PAG1: variants seen among roughly 807,000 people sequenced by gnomAD.
PAG1 encodes phosphoprotein associated with glycosphingolipid-enriched microdomains 1.
Under a neutral mutation model 31.7 loss-of-function variants are expected in PAG1, and 23 were observed. The observed-to-expected ratio is 0.73, with a 90% CI of 0.52 to 1.03. PAG1 has a LOEUF of 1.03. Ranked by LOEUF, PAG1 falls within the 50% of genes least tolerant of loss-of-function variation. The pLI is 0.00. For synonymous variants in PAG1, 214 were observed against 210.3 expected (o/e 1.02, Z -0.15); for missense variants, 473 against 540.7 (o/e 0.87, Z 1.24).
intron 2 of PAG1, among the ~76,000 whole-genome samples, chr8:81,041,976 G>A (rs1260013081): frequency 6.6e-6 from 1 of 152,174 alleles, no homozygotes; most frequent in Non-Finnish European, 1.5e-5. Context: ...CCCAAAGGGT[G>A]CAATCTTATC....
chr8:80,993,757 C>T (rs1429648779), intron 3 of PAG1, among the ~76,000 whole-genome samples: 4 of 151,920 alleles, frequency 2.6e-5, no homozygotes, highest in Non-Finnish European at 5.9e-5. Context: ...AGGCATGCGC[C>T]ACCATTCCTG....
chr8:81,075,171 C>T (rs1410334302), intron 1 of PAG1, among the ~76,000 whole-genome samples: 2 of 152,308 alleles, frequency 1.3e-5, no homozygotes, highest in Non-Finnish European at 1.5e-5. Flanking sequence ...AGATCTATTC[C>T]AAGACCCTAA....
intron 8 of PAG1, 146 bp from the exon 9 acceptor site, chr8:80,977,052 G>A (rs746351839): frequency 4.4e-6 from 3 of 683,190 alleles, no homozygotes; most frequent in Non-Finnish European, 7.5e-6. Flanking sequence ...ACTAATTATG[G>A]AGCACATTAC....
In PAG1 at chr8:81,012,966, C is replaced by T. The variant is rs540338762; in HGVS notation, c.-81+17030G>A. On this transcript the variant is annotated intron_variant, in intron 3 of 8. Coordinates refer to ENST00000220597, the MANE Select transcript of PAG1 (RefSeq NM_018440.4). ...ATCAAATAGCAAGCAAGAATTTTGC[C>T]TACCCATGTCCGTCAACTCACATCC... Among the ~76,000 whole-genome samples the T allele has an allele frequency of 1.4e-4, 22 of 152,296 alleles. No homozygotes were observed. In the East Asian group the frequency reaches 2.1e-3, roughly 15 times the overall value.
chr8:80,975,011 A>G lies in PAG1; in HGVS notation c.*1533T>C, dbSNP rs544529353. 1 of 152,384 alleles carries G rather than the reference A, an allele frequency of 6.6e-6. No individual in the cohort carries two copies. Among genetic ancestry groups the G allele is most frequent in the Admixed American group, 6.5e-5 (1 of 15,310 alleles). The allele number at this position is 152,384 out of a possible 1,614,324, so 9.4% of individuals were successfully genotyped here. On this transcript the variant is annotated 3_prime_UTR_variant, in exon 9 of 9. Coordinates refer to ENST00000220597, the MANE Select transcript of PAG1 (RefSeq NM_018440.4). Reference sequence around the variant, plus strand: ...AAGAAGATTCCAATAGGCAATTTGCATTGGCAAGCACTGGACTACAGAATT... The same window carrying G: ...AAGAAGATTCCAATAGGCAATTTGCGTTGGCAAGCACTGGACTACAGAATT...
chr8:81,001,886 A>C (rs1807791711), intron 3 of PAG1, among the ~76,000 whole-genome samples: 1 of 152,194 alleles, frequency 6.6e-6, no homozygotes, highest in Non-Finnish European at 1.5e-5. Context: ...TGTCTGGGAC[A>C]GCAGCAGACA....
At chr8:81,092,864 G>C (rs1396489341) in intron 1 of PAG1, among the ~76,000 whole-genome samples, 1 of 152,106 alleles carries the variant, frequency 6.6e-6, no homozygotes, top group Non-Finnish European at 1.5e-5. Context: ...AATTATATGA[G>C]AATTGACAGA....
At chr8:81,094,262 A>G (rs1395105676) in intron 1 of PAG1, among the ~76,000 whole-genome samples, 1 of 152,206 alleles carries the variant, frequency 6.6e-6, no homozygotes, top group Non-Finnish European at 1.5e-5. Context: ...TATCCACATG[A>G]GCAAATTAAG....
intron 1 of PAG1, among the ~76,000 whole-genome samples, chr8:81,086,829 T>C (rs1422867638): frequency 6.6e-6 from 1 of 152,192 alleles, no homozygotes; most frequent in Non-Finnish European, 1.5e-5. Flanking sequence ...CGTCAGGTTA[T>C]GGTGTGGAGG....
intron 3 of PAG1, 94 bp downstream of exon 3, chr8:81,029,902 G>A (rs1379867229): frequency 2.0e-5 from 3 of 152,170 alleles, no homozygotes; most frequent in African/African-American, 7.2e-5. Flanking sequence ...CTCTAGGTCT[G>A]TATGAGACTA....
rs145175020 is a variant in PAG1 at position 81,074,243 on chromosome 8, G to A, written c.-233-4073C>T. Among the ~76,000 whole-genome samples the A allele has an allele frequency of 5.9e-5, 9 of 152,236 alleles. No homozygotes were observed. In the East Asian group the frequency reaches 1.5e-3, roughly 26 times the overall value. On this transcript the variant is annotated intron_variant, in intron 1 of 8. Coordinates refer to ENST00000220597, the MANE Select transcript of PAG1 (RefSeq NM_018440.4). ...CACAGTGATGTGTGTTCCTTCAGCC[G>A]CACTCACCAGTGTAGGTGAAGATGT...
intron 3 of PAG1, among the ~76,000 whole-genome samples, chr8:80,994,585 C>A (rs910193111): frequency 1.3e-5 from 2 of 152,122 alleles, no homozygotes; most frequent in Admixed American, 1.3e-4. Flanking sequence ...AGGGATGAGT[C>A]CAGCTGTCTC....
chr8:80,978,754 T>C (rs1452819991), intron 8 of PAG1, among the ~76,000 whole-genome samples: 1 of 152,238 alleles, frequency 6.6e-6, no homozygotes, highest in African/African-American at 2.4e-5. Flanking sequence ...AAAAGCTTCT[T>C]GAGTCTTCTC....
chr8:81,106,724 C>CT (rs1809699274), intron 1 of PAG1, among the ~76,000 whole-genome samples: 2 of 152,212 alleles, frequency 1.3e-5, no homozygotes, highest in South Asian at 4.1e-4. Flanking sequence ...GGGGGCAGGG[C>CT]TCAGGGGAAG....
At chr8:81,050,172 T>C (rs543043306) in intron 2 of PAG1, among the ~76,000 whole-genome samples, 1 of 152,348 alleles carries the variant, frequency 6.6e-6, no homozygotes, top group African/African-American at 2.4e-5. Context: ...TTCATTGCTA[T>C]TCCTCGATGC....
chr8:81,081,841 G>A (rs1809271095), intron 1 of PAG1, among the ~76,000 whole-genome samples: 1 of 152,208 alleles, frequency 6.6e-6, no homozygotes, highest in Non-Finnish European at 1.5e-5. Flanking sequence ...GGATATTTGG[G>A]TTATTTCCAG....
chr8:81,052,704 T>C (rs960943063), intron 2 of PAG1, among the ~76,000 whole-genome samples: 1 of 152,272 alleles, frequency 6.6e-6, no homozygotes, highest in African/African-American at 2.4e-5. Context: ...ACTATTATTC[T>C]TGGGATTATT....
At chr8:80,988,272 G>A (rs1243840776) in intron 5 of PAG1, among the ~76,000 whole-genome samples, 1 of 152,162 alleles carries the variant, frequency 6.6e-6, no homozygotes, top group Non-Finnish European at 1.5e-5. Flanking sequence ...ATTGGTAAAG[G>A]TGTGCCATGC....
chr8:81,039,233 C>T (rs1808513021), intron 2 of PAG1: 2 of 152,146 alleles, frequency 1.3e-5, no homozygotes, highest in Non-Finnish European at 2.9e-5. Flanking sequence ...TAAGTCCTAA[C>T]CTCCAGGACT....
Sources: gnomAD v4.1 joint callset for allele counts (sites outside exome capture counted in the v4.1 genomes callset) on GRCh38, gnomAD v4.1.1 for gene constraint, MANE v1.5 for transcripts, NCBI Gene and HGNC (gene_info 2026-07-23, HGNC 2026-07-21) for gene names.